ZNF662: variants seen among roughly 807,000 people sequenced by gnomAD.
ZNF662 encodes the protein zinc finger protein 662.
ZNF662 carries 14 observed loss-of-function variants against 12.4 expected under a neutral mutation model. The ratio of observed to expected loss-of-function variants is 1.13; its 90% CI spans 0.75 to 1.77. ZNF662 has a LOEUF of 1.77. ZNF662 is among the 40% of genes most tolerant of loss of function. The pLI is 0.00. For synonymous variants in ZNF662, 184 were observed against 176.4 expected (o/e 1.04, Z -0.34); for missense variants, 550 against 515.6 (o/e 1.07, Z -0.65).
rs1192458479 is a variant in ZNF662, at chr3:42,914,535, T to A, written c.462T>A (p.Ile154=). 6.2e-7 allele frequency: 1 copy of A among 1,614,010 alleles called. No homozygotes were observed. Among genetic ancestry groups the A allele is most frequent in the Non-Finnish European group, 8.5e-7 (1 of 1,180,034 alleles). Residue 154 remains isoleucine, a synonymous_variant, in exon 5 of 5, where the codon ATT becomes ATA. Coordinates refer to ENST00000440367, the MANE Select transcript of ZNF662 (RefSeq NM_207404.4). ...GGRMESSTND[I]IEVIVKDEMI... is the part of the protein sequence containing the mutation. Reference sequence around the variant, plus strand: ...GTATGGAAAGTTCTACAAATGATATTATAGAAGTGATTGTCAAGGATGAGA... The same window carrying A: ...GTATGGAAAGTTCTACAAATGATATAATAGAAGTGATTGTCAAGGATGAGA...
At position 42,915,260 on chromosome 3, in the gene ZNF662, C is replaced by T. The variant is rs2088885894; in HGVS notation, c.1187C>T (p.Ala396Val). ...RPYKCNDCGKAFSQNSVLIKH... is the reference protein window; with the variant it reads ...RPYKCNDCGKVFSQNSVLIKH... The stretch of plus-strand genomic sequence containing the variant: ...TATAAATGTAATGACTGTGGGAAGG[C>T]CTTCAGTCAGAATTCTGTCTTAATT... Residue 396 changes from alanine (A) to valine (V), a missense_variant, in exon 5 of 5, where the codon GCC becomes GTC. Ala to Val is a moderately conservative substitution (Grantham distance 64). Coordinates refer to ENST00000440367, the MANE Select transcript of ZNF662 (RefSeq NM_207404.4). 1 of 1,613,776 alleles carries T rather than the reference C, an allele frequency of 6.2e-7. No homozygotes were observed. The highest frequency in any genetic ancestry group is 1.3e-5 in the African/African-American group (1 of 75,012).
Position 42,915,336 on chromosome 3 carries a change from TC to T in ZNF662, c.1264del (p.His422ThrfsTer27), listed in dbSNP as rs772876416. 4.0e-5 allele frequency: 63 copies of T among 1,577,646 alleles called. 2 individuals are homozygous for T. In the Admixed American group the frequency reaches 1.1e-3, roughly 28 times the overall value. On this transcript the variant is annotated frameshift_variant, in exon 5 of 5. Transcript: ENST00000440367. LOFTEE classifies it high-confidence loss of function. ...ACAAACCCTATAACTGTCAGATCTC[TC>T]ACCTTCTTGAACATTAGAGAGTGCA... ...RDKPYNCQIS[H>X]LLEH is the part of the protein sequence containing the mutation.
In ZNF662 at chr3:42,908,163, C is replaced by G. The variant is rs775648224; in HGVS notation, c.34+15C>G. ...GGCTTCCCTGGGTAAGGGTCTCTCC[C>G]TTTGGGCCCTGCCTCCACCCTTGAG... On this transcript the variant is annotated intron_variant, in intron 2 of 4. Coordinates refer to ENST00000440367, the MANE Select transcript of ZNF662 (RefSeq NM_207404.4). The G allele has an allele frequency of 6.2e-7, 1 of 1,607,954 alleles. No individual in the cohort carries two copies. Among genetic ancestry groups the G allele is most frequent in the Non-Finnish European group, 8.5e-7 (1 of 1,175,960 alleles).
intron 3 of ZNF662, among the ~76,000 whole-genome samples, chr3:42,910,137 A>AAG (rs1292529433): frequency 6.6e-6 from 1 of 152,164 alleles, no homozygotes; most frequent in East Asian, 1.9e-4. Context: ...GATCACTCGC[A>AAG]GTCAGGAGCT....
At chr3:42,912,570 AC>A (rs2088820394) in intron 3 of ZNF662, among the ~76,000 whole-genome samples, 1 of 11,544 alleles carries the variant, frequency 8.7e-5, no homozygotes, top group African/African-American at 1.3e-4. Flanking sequence ...ATATATAAAT[AC>A]ATATTTTATA....
At chr3:42,910,249 G>A (rs2088765700) in intron 3 of ZNF662, among the ~76,000 whole-genome samples, 1 of 152,212 alleles carries the variant, frequency 6.6e-6, no homozygotes, top group African/African-American at 2.4e-5. Context: ...GCACTCGGCA[G>A]GCTGAGGCAG....
Position 42,913,200 on chromosome 3 carries a change from G to A in ZNF662, c.152-1G>A. The A allele has an allele frequency of 1.2e-6, 2 of 1,612,726 alleles. No individual in the cohort carries two copies. Among genetic ancestry groups the A allele is most frequent in the Non-Finnish European group, 1.7e-6 (2 of 1,178,872 alleles). ...CCTTATTTGTATCTTGACCCTGGCA[G>A]GATATCCATTTCTAAAGCCTGCTGG... On this transcript the variant is annotated splice_acceptor_variant, in intron 3 of 4. Transcript: ENST00000440367. LOFTEE classifies it high-confidence loss of function.
Position 42,906,243 on chromosome 3 carries a change from G to A in ZNF662, c.-94+75G>A, listed in dbSNP as rs1559379276. 5.0e-6 allele frequency: 5 copies of A among 997,622 alleles called. No individual in the cohort carries two copies. Among genetic ancestry groups the A allele is most frequent in the Non-Finnish European group, 7.1e-6 (5 of 704,130 alleles). The allele number at this position is 997,622 out of a possible 1,614,324, so 61.8% of individuals were successfully genotyped here. A position where few individuals can be genotyped will look rare whatever the true frequency, so the allele number is the denominator to read the frequency against. On this transcript the variant is annotated intron_variant, in intron 1 of 4. Coordinates refer to ENST00000440367, the MANE Select transcript of ZNF662 (RefSeq NM_207404.4). The surrounding 1 kb of genome is among the most constrained non-coding windows in gnomAD (Gnocchi z 4.4). ...GGTCTTACTCCGGTGGCTGCAGGGC[G>A]CAGGGTAGCCGTGTCAGGCCTGCCC...
At chr3:42,907,583 T>C (rs1051922950) in intron 1 of ZNF662, 6 of 742,920 alleles carry the variant, frequency 8.1e-6, no homozygotes, top group Non-Finnish European at 8.2e-6. Context: ...TTTCCTCTTC[T>C]AAAAAACGGA....
At chr3:42,912,742 T>C (rs1371056759) in intron 3 of ZNF662, among the ~76,000 whole-genome samples, 1 of 120,256 alleles carries the variant, frequency 8.3e-6, no homozygotes, top group Non-Finnish European at 1.6e-5. Context: ...TATAAATATA[T>C]ATATATATAT....
In ZNF662 at chr3:42,917,075, T is replaced by G. The variant is rs1364740773; in HGVS notation, c.*1721T>G. The G allele has an allele frequency of 1.2e-5, 2 of 168,676 alleles. No individual in the cohort carries two copies. The highest frequency in any genetic ancestry group is 6.3e-5 in the Admixed American group (1 of 15,942). 10.4% of individuals were successfully genotyped at this position (168,676 alleles called of 1,614,324 possible). On this transcript the variant is annotated 3_prime_UTR_variant, in exon 5 of 5. Transcript: ENST00000440367. ...GAAAGTAAAGAATTATAGAATTAACTAATTCTACTTGAAATCAGGAGTTTT... is the reference window on the plus strand; with the variant it reads ...GAAAGTAAAGAATTATAGAATTAACGAATTCTACTTGAAATCAGGAGTTTT...
In ZNF662 at chr3:42,914,584, G is replaced by C; in HGVS notation, c.511G>C (p.Gly171Arg). The C allele has an allele frequency of 6.2e-7, 1 of 1,614,130 alleles. No homozygotes were observed. Among genetic ancestry groups the C allele is most frequent in the Non-Finnish European group, 8.5e-7 (1 of 1,180,008 alleles). ...GATGATCTCAGTAGAAGAGAGTTCAGGGAATACTGATGTCAATAACCTCCT... is the reference window on the plus strand; with the variant it reads ...GATGATCTCAGTAGAAGAGAGTTCACGGAATACTGATGTCAATAACCTCCT... The part of the protein sequence containing the change: ...DEMISVEESS[G>R]NTDVNNLLGI... The change falls in exon 5 of 5, where the codon GGG becomes CGG. Residue 171 changes from glycine (G) to arginine (R), a missense_variant. Gly to Arg is a moderately radical substitution (Grantham distance 125). Transcript: ENST00000440367.
chr3:42,913,051 T>C, intron 3 of ZNF662, 150 bp from the exon 4 acceptor site: 2 of 591,660 alleles, frequency 3.4e-6, no homozygotes, highest in Non-Finnish European at 6.1e-6. Context: ...CCTATCCTTA[T>C]TATTCTGTAC....
chr3:42,918,540 G>T lies in ZNF662; in HGVS notation c.*3186G>T, dbSNP rs554349478. 6.6e-6 allele frequency among the ~76,000 whole-genome samples: 1 copy of T among 152,260 alleles called. No homozygotes were observed. The highest frequency in any genetic ancestry group is 1.9e-4 in the East Asian group (1 of 5,194). Reference sequence around the variant, plus strand: ...TAAGGAACGGAATTTTTCATCATGGGCATGTTTAGGCAATCCCCCTGTGCA... The same window carrying T: ...TAAGGAACGGAATTTTTCATCATGGTCATGTTTAGGCAATCCCCCTGTGCA... On this transcript the variant is annotated 3_prime_UTR_variant, in exon 5 of 5. Transcript: ENST00000440367.
Position 42,914,501 on chromosome 3 carries a change from A to G in ZNF662, c.428A>G (p.Asn143Ser). 1.2e-6 allele frequency: 2 copies of G among 1,614,120 alleles called. No homozygotes were observed. The highest frequency in any genetic ancestry group is 1.7e-6 in the Non-Finnish European group (2 of 1,180,026). ...SRLGRWPGYL[N>S]GGRMESSTND... Reference sequence around the variant, plus strand: ...TTAGGGAGATGGCCTGGTTACCTCAATGGGGGACGTATGGAAAGTTCTACA... The same window carrying G: ...TTAGGGAGATGGCCTGGTTACCTCAGTGGGGGACGTATGGAAAGTTCTACA... The change falls in exon 5 of 5, where the codon AAT becomes AGT. Residue 143 changes from asparagine (N) to serine (S), a missense_variant. Physicochemically the swap from Asn to Ser is conservative, Grantham distance 46 (BLOSUM62 1). Transcript: ENST00000440367.
intron 3 of ZNF662, among the ~76,000 whole-genome samples, chr3:42,912,397 T>TTA (rs1476231005): frequency 3.1e-5 from 3 of 97,818 alleles, no homozygotes; most frequent in African/African-American, 1.3e-4. Flanking sequence ...TAATATATAT[T>TTA]TATATATTAT....
intron 1 of ZNF662, among the ~76,000 whole-genome samples, chr3:42,907,381 C>G (rs1391094738): frequency 6.6e-6 from 1 of 152,050 alleles, no homozygotes; most frequent in Admixed American, 6.5e-5. Flanking sequence ...CTGAGGAGCC[C>G]TAGCTGCCTC....
rs2088905114 is a variant in ZNF662, at chr3:42,917,334, A to T, written c.*1980A>T. 1.7e-6 allele frequency: 1 copy of T among 598,692 alleles called. No individual in the cohort carries two copies. The highest frequency in any genetic ancestry group is 2.8e-5 in the East Asian group (1 of 35,950). 37.1% of individuals were successfully genotyped at this position (598,692 alleles called of 1,614,324 possible). ...ATGAGGAGATACTGGCTCTTCTGGA[A>T]AAGAGAGGCTTTTCTTCATCGAGAG... On this transcript the variant is annotated 3_prime_UTR_variant, in exon 5 of 5. Coordinates refer to ENST00000440367, the MANE Select transcript of ZNF662 (RefSeq NM_207404.4).
At chr3:42,911,630 G>A (rs1234874025) in intron 3 of ZNF662, among the ~76,000 whole-genome samples, 3 of 152,218 alleles carry the variant, frequency 2.0e-5, no homozygotes, top group African/African-American at 7.2e-5. Context: ...CCTGGATTTG[G>A]CAACAGAAAA....
Sources: gnomAD v4.1 joint callset for allele counts (sites outside exome capture counted in the v4.1 genomes callset) on GRCh38, gnomAD v4.1.1 for gene constraint, Gnocchi (gnomAD v3.1) non-coding constraint, MANE v1.5 for transcripts, NCBI Gene and HGNC (gene_info 2026-07-23, HGNC 2026-07-21) for gene names.